Variants in MED27 observed in about 807,000 individuals in gnomAD.
The protein encoded by MED27 is mediator complex subunit 27, also known as mediator of RNA polymerase II transcription subunit 27.
MED27 carries 30 observed loss-of-function variants against 38.2 expected under a neutral mutation model. The observed-to-expected ratio is 0.79, with a 90% CI of 0.59 to 1.07. MED27 has a LOEUF of 1.07. MED27 is among the 50% of genes least tolerant of loss of function. MED27 has a pLI of 0.00. For missense variants in MED27, 289 were observed against 397.5 expected, an observed-to-expected ratio of 0.73 and a Z score of 2.32; for synonymous variants, 122 against 153.5, an observed-to-expected ratio of 0.79 and a Z score of 1.52.
chr9:131,936,089 C>T (rs1288985438), intron 4 of MED27, among the ~76,000 whole-genome samples: 1 of 148,898 alleles, frequency 6.7e-6, no homozygotes, highest in Non-Finnish European at 1.5e-5. Context: ...GCTGTGATCA[C>T]GCCACTGCAC....
intron 4 of MED27, among the ~76,000 whole-genome samples, chr9:131,910,677 C>T (rs1331033835): frequency 6.6e-6 from 1 of 152,190 alleles, no homozygotes; most frequent in Non-Finnish European, 1.5e-5. Context: ...AAGCTTCCAT[C>T]TAAACAACAC....
intron 2 of MED27, among the ~76,000 whole-genome samples, chr9:132,067,402 T>G (rs1289835284): frequency 1.3e-5 from 2 of 152,230 alleles, no homozygotes; most frequent in African/African-American, 4.8e-5. Context: ...TTCCCAGAGA[T>G]GTTTAACAAC....
chr9:131,973,438 CTTTTTTTCTTTTTCTTTTCTTT>C (rs1831526587), intron 3 of MED27, among the ~76,000 whole-genome samples: 3 of 143,408 alleles, frequency 2.1e-5, no homozygotes, highest in South Asian at 2.3e-4. Context: ...CTTCCCTTTT[CTTTTTTTCTTTTTCTTTTCTTT>C]TTTTTTTTTT....
chr9:131,948,207 G>A (rs569129686), intron 3 of MED27, among the ~76,000 whole-genome samples: 5 of 152,180 alleles, frequency 3.3e-5, no homozygotes, highest in South Asian at 2.1e-4. Flanking sequence ...CAACCAGGCC[G>A]GGTACAGTGG....
rs116809387 is a variant in MED27 at position 131,937,079 on chromosome 9, G to C, written c.573+2302C>G. Among the ~76,000 whole-genome samples the C allele has an allele frequency of 4.1e-3, 622 of 152,312 alleles. 2 individuals carry two copies. Among genetic ancestry groups the C allele is most frequent in the African/African-American group, 0.014 (586 of 41,540 alleles). ...TTTGGGGAACAGGTGACTAGCAGTA[G>C]GTAGTGGGGGAGGTGGCATCTGTTG... On this transcript the variant is annotated intron_variant, in intron 4 of 7. Coordinates refer to ENST00000292035, the MANE Select transcript of MED27 (RefSeq NM_004269.4).
chr9:131,912,909 C>T (rs979800784), intron 4 of MED27, among the ~76,000 whole-genome samples: 3 of 152,150 alleles, frequency 2.0e-5, no homozygotes, highest in African/African-American at 7.2e-5. Context: ...ACTTAAAATT[C>T]CTGGAACAAG....
At chr9:132,032,452 G>A (rs1208732250) in intron 2 of MED27, among the ~76,000 whole-genome samples, 3 of 152,078 alleles carry the variant, frequency 2.0e-5, no homozygotes, top group Non-Finnish European at 4.4e-5. Flanking sequence ...GTAAACCACT[G>A]TTGTTTCAAA....
In MED27 at chr9:131,860,662, C is replaced by T. The variant is rs1282065965; in HGVS notation, c.812G>A (p.Arg271Lys). Residue 271 changes from arginine (R) to lysine (K), a missense_variant, in exon 8 of 8, where the codon AGA (arginine) becomes AAA (lysine). Transcript: ENST00000292035. The surrounding 1 kb of genome is among the most constrained non-coding windows in gnomAD (Gnocchi z 5.8). ...GGCCTGGAACAGCTTTATGTAACTTCTTAACCAGGTCTAAAAAGAGAAACG... is the reference window on the plus strand; with the variant it reads ...GGCCTGGAACAGCTTTATGTAACTTTTTAACCAGGTCTAAAAAGAGAAACG... ...VVVRSFMTWLRSYIKLFQAPC... is the reference protein window; with the variant it reads ...VVVRSFMTWLKSYIKLFQAPC... 1 of 1,613,226 alleles carries T rather than the reference C, an allele frequency of 6.2e-7. No individual in the cohort carries two copies. The highest frequency in any genetic ancestry group is 8.5e-7 in the Non-Finnish European group (1 of 1,179,714).
intron 2 of MED27, among the ~76,000 whole-genome samples, chr9:132,040,197 A>T (rs926027995): frequency 6.6e-6 from 1 of 152,240 alleles, no homozygotes; most frequent in African/African-American, 2.4e-5. Flanking sequence ...TGGGCTGCCC[A>T]GCACTAAACA....
chr9:132,053,921 A>G (rs1222025141), intron 2 of MED27, among the ~76,000 whole-genome samples: 1 of 151,914 alleles, frequency 6.6e-6, no homozygotes, highest in Admixed American at 6.6e-5. Context: ...TAAATTATAT[A>G]TAATATGCAA....
At chr9:131,871,600 A>C (rs566262573) in intron 6 of MED27, among the ~76,000 whole-genome samples, 1 of 152,252 alleles carries the variant, frequency 6.6e-6, no homozygotes, top group African/African-American at 2.4e-5. Flanking sequence ...CCCATGCTGG[A>C]GTGTGGTGGT....
chr9:132,038,404 G>A (rs1483281114), intron 2 of MED27, among the ~76,000 whole-genome samples: 1 of 151,302 alleles, frequency 6.6e-6, no homozygotes, highest in East Asian at 1.9e-4. Context: ...GTTTTAGCCG[G>A]GATGGTCTCG....
chr9:131,921,084 C>T (rs1241524556), intron 4 of MED27, among the ~76,000 whole-genome samples: 1 of 152,118 alleles, frequency 6.6e-6, no homozygotes, highest in Admixed American at 6.5e-5. Flanking sequence ...ATCATTTCAT[C>T]CAATGTGGAT....
intron 3 of MED27, among the ~76,000 whole-genome samples, chr9:131,946,855 C>T (rs1830895731): frequency 6.6e-6 from 1 of 152,196 alleles, no homozygotes; most frequent in South Asian, 2.1e-4. Flanking sequence ...ATGATGCTTC[C>T]TCAGGGAAGT....
chr9:131,898,221 A>G (rs1411203963), intron 4 of MED27, among the ~76,000 whole-genome samples: 2 of 151,432 alleles, frequency 1.3e-5, no homozygotes, highest in Admixed American at 1.3e-4. Flanking sequence ...AGCTCTATGA[A>G]GTTTGTCAAT....
intron 3 of MED27, among the ~76,000 whole-genome samples, chr9:131,965,339 A>G (rs1003510901): frequency 6.6e-6 from 1 of 152,202 alleles, no homozygotes; most frequent in African/African-American, 2.4e-5. Context: ...GACTCTCATG[A>G]ACAAAGCAAG....
At chr9:131,950,815 T>C (rs886833353) in intron 3 of MED27, among the ~76,000 whole-genome samples, 7 of 152,168 alleles carry the variant, frequency 4.6e-5, no homozygotes, top group Non-Finnish European at 4.4e-5. Flanking sequence ...CTGCACATAA[T>C]GCATACTCAA....
intron 2 of MED27, among the ~76,000 whole-genome samples, chr9:132,063,552 T>C (rs150704118): frequency 4.6e-5 from 7 of 152,330 alleles, no homozygotes; most frequent in African/African-American, 9.6e-5. Context: ...ATCTCAATGT[T>C]TGAGCTCATC....
intron 2 of MED27, among the ~76,000 whole-genome samples, chr9:132,063,917 G>A (rs1028704063): frequency 6.6e-6 from 1 of 152,206 alleles, no homozygotes; most frequent in Admixed American, 6.5e-5. Flanking sequence ...AACTTGGAGA[G>A]GATCTAAAGC....
Sources: allele counts gnomAD v4.1 joint callset (sites outside exome capture counted in the v4.1 genomes callset), GRCh38; gene constraint gnomAD v4.1.1; non-coding constraint Gnocchi (gnomAD v3.1); transcripts MANE v1.5; gene names NCBI Gene and HGNC (gene_info 2026-07-23, HGNC 2026-07-21).